The following TRANK1 variants were observed in gnomAD, a reference collection of about 807,000 sequenced individuals.
TRANK1 encodes TPR and ankyrin repeat-containing protein 1.
A neutral mutation model predicts 266.0 loss-of-function variants in TRANK1; 198 were observed. The ratio of observed to expected loss-of-function variants is 0.74; its 90% CI spans 0.66 to 0.84. The LOEUF is 0.84. TRANK1 is among the 40% of genes least tolerant of loss of function. The probability of loss-of-function intolerance (pLI) is 0.00; values close to 1 mark genes in which losing one functional copy is unlikely to be tolerated. For synonymous variants in TRANK1, 1,396 were observed against 1,384.1 expected (o/e 1.01, Z -0.19); for missense variants, 3,326 against 3,634.6 (o/e 0.92, Z 2.18).
At chr3:36,869,218 G>A (rs2125566202) in intron 9 of TRANK1, among the ~76,000 whole-genome samples, 1 of 152,318 alleles carries the variant, frequency 6.6e-6, no homozygotes, top group African/African-American at 2.4e-5. Context: ...ATTTTAGCAG[G>A]CTCCCAAATA....
At chr3:36,834,741 G>A (rs770710341) in intron 21 of TRANK1, 21 bp downstream of exon 21, 1 of 1,603,154 alleles carries the variant, frequency 6.2e-7, no homozygotes, top group African/African-American at 1.3e-5. Context: ...AGGGAGAAAG[G>A]GAGAGAATAA....
intron 4 of TRANK1, among the ~76,000 whole-genome samples, chr3:36,896,080 T>C (rs547003203): frequency 2.6e-5 from 4 of 152,322 alleles, no homozygotes; most frequent in East Asian, 1.9e-4. Context: ...TCTCCACTTA[T>C]AGAGGAGGAA....
intron 17 of TRANK1, 64 bp downstream of exon 17, chr3:36,846,184 C>A: frequency 7.0e-7 from 1 of 1,437,316 alleles, no homozygotes; most frequent in Non-Finnish European, 9.4e-7. Flanking sequence ...TATTCCTGAC[C>A]ATAAGAACAG....
At chr3:36,829,805 C>G (rs2078671624) in intron 22 of TRANK1, 143 bp from the exon 23 acceptor site, 2 of 754,900 alleles carry the variant, frequency 2.6e-6, no homozygotes, top group Admixed American at 4.9e-5. Flanking sequence ...GGGTAAGGGA[C>G]CCAAAGCTGC....
intron 13 of TRANK1, among the ~76,000 whole-genome samples, chr3:36,854,833 T>C (rs952164065): frequency 6.6e-6 from 1 of 152,162 alleles, no homozygotes; most frequent in Non-Finnish European, 1.5e-5. Flanking sequence ...AACTGGTATA[T>C]TACTTTATAT....
rs575876614 is a variant in TRANK1 at position 36,888,779 on chromosome 3, C to T, written c.907+1050G>A. On this transcript the variant is annotated intron_variant, in intron 8 of 23. Coordinates refer to ENST00000645898, the MANE Select transcript of TRANK1 (RefSeq NM_001329998.2). ...GTTTTAAAAAATCCAGATTTCTGGC[C>T]AGGCATGGTAGCTCATGCCTGTATC... 5.3e-5 allele frequency among the ~76,000 whole-genome samples: 8 copies of T among 152,294 alleles called. No homozygotes were observed. The South Asian group carries it at 1.7e-3, about 32-fold the overall frequency.
intron 15 of TRANK1, chr3:36,850,263 T>A: frequency 1.0e-6 from 1 of 985,416 alleles, no homozygotes; most frequent in Non-Finnish European, 1.2e-6. Flanking sequence ...TGAGTGTGCA[T>A]CTGATTTTAT....
At chr3:36,859,029 C>A (rs533234431) in intron 11 of TRANK1, 135 bp from the exon 12 acceptor site, 4 of 1,130,610 alleles carry the variant, frequency 3.5e-6, no homozygotes, top group Non-Finnish European at 4.8e-6. Context: ...CTCCTACCAG[C>A]ACCCATTCTG....
At chr3:36,944,678 G>T in intron 1 of TRANK1, 109 bp downstream of exon 1, 2 of 1,328,790 alleles carry the variant, frequency 1.5e-6, no homozygotes, top group Non-Finnish European at 2.0e-6. Context: ...GGGCCCGTTC[G>T]GCCGCTACCT....
intron 8 of TRANK1, among the ~76,000 whole-genome samples, chr3:36,883,636 A>G (rs1448605122): frequency 6.6e-6 from 1 of 152,134 alleles, no homozygotes; most frequent in African/African-American, 2.4e-5. Context: ...CTGATTATCT[A>G]TAAGGCTGGA....
chr3:36,941,912 C>A (rs2080502041), intron 1 of TRANK1, among the ~76,000 whole-genome samples: 1 of 152,170 alleles, frequency 6.6e-6, no homozygotes, highest in Non-Finnish European at 1.5e-5. Flanking sequence ...CATGTCAGCC[C>A]CACCTCCCCA....
chr3:36,868,089 C>A (rs1298326823), intron 9 of TRANK1, among the ~76,000 whole-genome samples: 1 of 152,198 alleles, frequency 6.6e-6, no homozygotes, highest in Non-Finnish European at 1.5e-5. Context: ...CCCTAAGCTG[C>A]CGGAATAAAC....
intron 11 of TRANK1, 50 bp downstream of exon 11, chr3:36,860,856 C>G: frequency 1.3e-6 from 2 of 1,528,572 alleles, no homozygotes; most frequent in South Asian, 1.2e-5. Flanking sequence ...GACTCCATCA[C>G]GTGGAGAATG....
intron 1 of TRANK1, among the ~76,000 whole-genome samples, chr3:36,935,521 A>G (rs1343182940): frequency 1.4e-5 from 2 of 140,034 alleles, no homozygotes; most frequent in Non-Finnish European, 3.0e-5. Flanking sequence ...CGCAATCTCA[A>G]CTCACTGCAA....
intron 8 of TRANK1, chr3:36,880,287 C>A: frequency 2.7e-6 from 1 of 377,270 alleles, no homozygotes; most frequent in Non-Finnish European, 5.5e-6. Flanking sequence ...CAAGTTGGCC[C>A]CATTTGAGTC....
At position 36,852,281 on chromosome 3, in the gene TRANK1, A is replaced by G. The variant is rs752327910; in HGVS notation, c.4614T>C (p.Asp1538=). The G allele has an allele frequency of 1.9e-6, 3 of 1,612,718 alleles. No individual in the cohort carries two copies. Among genetic ancestry groups the G allele is most frequent in the Middle Eastern group, 1.7e-4 (1 of 6,056 alleles). Residue 1538 remains aspartate, a synonymous_variant, in exon 14 of 24, where the codon GAT becomes GAC. Transcript: ENST00000645898. ...LLQFYFPESF[D]RLPRDSGLFD... is the part of the protein sequence containing the mutation. ...AGAGGCCAGAATCCCTTGGAAGGCG[A>G]TCAAAAGATTCTGGGAAATAGAACT... is the stretch of plus-strand genomic sequence containing the variant.
At chr3:36,944,700 G>A in intron 1 of TRANK1, 87 bp downstream of exon 1, 2 of 1,456,320 alleles carry the variant, frequency 1.4e-6, no homozygotes, top group Non-Finnish European at 1.8e-6. Flanking sequence ...AGGGTCGCCA[G>A]TCCCCGCGCG....
rs1449550214 is a variant in TRANK1 at position 36,828,317 on chromosome 3, A to T, written c.8868T>A (p.Pro2956=). ...NEVEDFGELR[P]RRRSRKCGKQ... is the part of the protein sequence containing the mutation. ...TTCCACATTTCCGAGAACGCCTTCT[A>T]GGCCGAAGCTCACCAAAGTCTTCAA... Residue 2956 remains proline (P), a synonymous_variant, in exon 24 of 24, where the codon CCT becomes CCA. Transcript: ENST00000645898. 5 of 1,612,204 alleles carry T rather than the reference A, an allele frequency of 3.1e-6. No homozygotes were observed. The highest frequency in any genetic ancestry group is 3.4e-6 in the Non-Finnish European group (4 of 1,179,188).
At position 36,879,856 on chromosome 3, in the gene TRANK1, A is replaced by ATGTAAACATACAAATATATGTAAACATG. The variant is rs1559449060; in HGVS notation, c.908-5561_908-5560insCATGTTTACATATATTTGTATGTTTACA. ...TAAATATACAAATATATGTAAATAT[A>ATGTAAACATACAAATATATGTAAACATG]CAAATATATGTAAACATACAAATAT... On this transcript the variant is annotated intron_variant, in intron 8 of 23. Coordinates refer to ENST00000645898, the MANE Select transcript of TRANK1 (RefSeq NM_001329998.2). Among the ~76,000 whole-genome samples the ATGTAAACATACAAATATATGTAAACATG allele has an allele frequency of 3.3e-4, 35 of 106,340 alleles. 10 individuals carry two copies. Among genetic ancestry groups the ATGTAAACATACAAATATATGTAAACATG allele is most frequent in the Non-Finnish European group, 6.1e-4 (34 of 56,106 alleles). The allele number at this position is 106,340 out of a possible 152,430, so 69.8% of individuals were successfully genotyped here. A position where few individuals can be genotyped will look rare whatever the true frequency, so the allele number is the denominator to read the frequency against.
Sources: allele counts gnomAD v4.1 joint callset (sites outside exome capture counted in the v4.1 genomes callset), GRCh38; gene constraint gnomAD v4.1.1; transcripts MANE v1.5; gene names NCBI Gene and HGNC (gene_info 2026-07-23, HGNC 2026-07-21).